CSMD3: variants seen among roughly 807,000 people sequenced by gnomAD.
CSMD3 encodes CUB and Sushi multiple domains 3.
Under a neutral mutation model 435.2 loss-of-function variants are expected in CSMD3, and 177 were observed. The observed-to-expected ratio is 0.41, with a 90% CI of 0.36 to 0.46. The LOEUF (loss-of-function observed/expected upper bound fraction) is 0.46. Ranked by LOEUF, CSMD3 falls within the 20% of genes least tolerant of loss-of-function variation. The pLI is 0.34. For synonymous variants in CSMD3, 1,656 were observed against 1,520.5 expected (o/e 1.09, Z -2.07); for missense variants, 4,265 against 4,504.6 (o/e 0.95, Z 1.52).
At chr8:113,085,340 A>C (rs1420454365) in intron 5 of CSMD3, among the ~76,000 whole-genome samples, 1 of 152,146 alleles carries the variant, frequency 6.6e-6, no homozygotes, top group Admixed American at 6.6e-5. Flanking sequence ...GGGAATGTAA[A>C]TCACTATAGC....
rs762343736 is a variant in CSMD3 at position 112,263,821 on chromosome 8, A to G, written c.9689-9T>C. The G allele has an allele frequency of 1.2e-6, 2 of 1,612,078 alleles. No individual in the cohort carries two copies. The highest frequency in any genetic ancestry group is 1.7e-6 in the Non-Finnish European group (2 of 1,178,240). On this transcript the variant is annotated splice_polypyrimidine_tract_variant and intron_variant, in intron 60 of 70. Coordinates refer to ENST00000297405, the MANE Select transcript of CSMD3 (RefSeq NM_198123.2). ...AGTTGGGCAGGTAACAGCTGCAATT[A>G]CATTAAAAGTGATTAGACACAGCTG...
At chr8:112,892,572 A>G (rs1027563173) in intron 10 of CSMD3, among the ~76,000 whole-genome samples, 1 of 151,550 alleles carries the variant, frequency 6.6e-6, no homozygotes, top group African/African-American at 2.4e-5. Flanking sequence ...TGATTTATAT[A>G]TTATGGGAAA....
intron 13 of CSMD3, among the ~76,000 whole-genome samples, chr8:112,768,697 A>T (rs2132183287): frequency 6.6e-6 from 1 of 152,042 alleles, no homozygotes; most frequent in South Asian, 2.1e-4. Context: ...CTTGCTGAAT[A>T]TCTTTCATAC....
chr8:112,409,025 A>G lies in CSMD3; in HGVS notation c.5403T>C (p.Phe1801=). 1.2e-6 allele frequency: 2 copies of G among 1,613,540 alleles called. No homozygotes were observed. The highest frequency in any genetic ancestry group is 1.7e-6 in the Non-Finnish European group (2 of 1,179,618). The change falls in exon 33 of 71, where the codon TTT becomes TTC. Residue 1801 remains phenylalanine (F), a synonymous_variant. Transcript: ENST00000297405. ...ATGTCTGGAAAAATACAAACTGGCCAAACACCACTGATCAACAGGAACCCG... is the reference window on the plus strand; with the variant it reads ...ATGTCTGGAAAAATACAAACTGGCCGAACACCACTGATCAACAGGAACCCG... ...SIAVPKEFVV[F]GQFVFFQTSL...
chr8:112,850,389 C>G (rs1239870155), intron 11 of CSMD3, among the ~76,000 whole-genome samples: 2 of 152,150 alleles, frequency 1.3e-5, no homozygotes, highest in East Asian at 3.8e-4. Flanking sequence ...AAATTCCACA[C>G]AGCCAAATGC....
chr8:112,489,873 A>T (rs1820517077), intron 31 of CSMD3, among the ~76,000 whole-genome samples: 1 of 152,206 alleles, frequency 6.6e-6, no homozygotes. Context: ...TTTGATTAAA[A>T]GTCTAATGAT....
chr8:113,022,890 T>C (rs751725151), intron 5 of CSMD3, among the ~76,000 whole-genome samples: 1 of 139,952 alleles, frequency 7.1e-6, no homozygotes, highest in African/African-American at 2.8e-5. Flanking sequence ...AAAAAATTTT[T>C]AGTTCTCCAA....
intron 41 of CSMD3, among the ~76,000 whole-genome samples, chr8:112,342,579 A>G (rs1022928340): frequency 2.6e-5 from 4 of 152,108 alleles, no homozygotes; most frequent in Non-Finnish European, 4.4e-5. Flanking sequence ...GAACAAGGAA[A>G]GTGAGTCGCA....
intron 15 of CSMD3, among the ~76,000 whole-genome samples, chr8:112,683,548 T>C (rs187602606): frequency 6.6e-6 from 1 of 152,190 alleles, no homozygotes; most frequent in East Asian, 1.9e-4. Flanking sequence ...AAAATGGGTT[T>C]ATTTGAATTT....
At chr8:112,741,955 A>G (rs1178441684) in intron 13 of CSMD3, among the ~76,000 whole-genome samples, 1 of 151,852 alleles carries the variant, frequency 6.6e-6, no homozygotes, top group Non-Finnish European at 1.5e-5. Context: ...GTCTTCAAGC[A>G]AAGAAAGAGC....
chr8:112,502,413 A>C (rs1367348844), intron 30 of CSMD3, among the ~76,000 whole-genome samples: 1 of 152,190 alleles, frequency 6.6e-6, no homozygotes, highest in Non-Finnish European at 1.5e-5. Context: ...CAAGCTTTCC[A>C]CTGGAATGAA....
In CSMD3 at chr8:113,410,951, A is replaced by AAGAAAGAAAGAAAGAG. The variant is rs1354388081; in HGVS notation, c.178+25725_178+25726insCTCTTTCTTTCTTTCT. ...AAAGAAAGAAAGAAAGAAAGAAAGA[A>AAGAAAGAAAGAAAGAG]AGAGAAGGGAGGGAGGGAGGAAGAA... On this transcript the variant is annotated intron_variant, in intron 1 of 70. Transcript: ENST00000297405. Among the ~76,000 whole-genome samples the AAGAAAGAAAGAAAGAG allele has an allele frequency of 4.3e-4, 62 of 143,456 alleles. No individual in the cohort carries two copies. The East Asian group carries it at 5.4e-3, about 12-fold the overall frequency. 94.1% of individuals were successfully genotyped at this position (143,456 alleles called of 152,430 possible).
intron 24 of CSMD3, among the ~76,000 whole-genome samples, chr8:112,562,962 T>G (rs967481537): frequency 2.6e-5 from 4 of 151,844 alleles, no homozygotes; most frequent in Non-Finnish European, 5.9e-5. Flanking sequence ...AAGTTTTTAC[T>G]ATTGCCACAT....
chr8:112,322,072 T>G (rs1479530170), intron 45 of CSMD3, among the ~76,000 whole-genome samples: 1 of 152,162 alleles, frequency 6.6e-6, no homozygotes, highest in Non-Finnish European at 1.5e-5. Context: ...CTTTGTCTGA[T>G]CTTACCAGAG....
At chr8:113,270,974 A>G (rs2093520050) in intron 3 of CSMD3, among the ~76,000 whole-genome samples, 1 of 107,318 alleles carries the variant, frequency 9.3e-6, no homozygotes, top group Non-Finnish European at 1.7e-5. Flanking sequence ...TTAAAGTATA[A>G]TCAAAAAGCA....
At chr8:112,449,406 TG>T (rs1816005895) in intron 32 of CSMD3, among the ~76,000 whole-genome samples, 1 of 151,982 alleles carries the variant, frequency 6.6e-6, no homozygotes, top group Non-Finnish European at 1.5e-5. Flanking sequence ...CGTTGAGTTG[TG>T]GTGTCTGGGA....
At chr8:112,920,550 C>G (rs2082702917) in intron 10 of CSMD3, among the ~76,000 whole-genome samples, 1 of 151,766 alleles carries the variant, frequency 6.6e-6, no homozygotes, top group Non-Finnish European at 1.5e-5. Context: ...TGAAATCAGA[C>G]TGACCTCAAT....
At chr8:113,434,020 C>G (rs16884683) in intron 1 of CSMD3, among the ~76,000 whole-genome samples, 1,889 of 152,276 alleles carry the variant, frequency 0.012, 46 homozygotes, top group African/African-American at 0.044. Flanking sequence ...AATGAAATGC[C>G]AAGGAAAGGT....
intron 27 of CSMD3, among the ~76,000 whole-genome samples, chr8:112,517,522 C>T (rs1823803822): frequency 1.3e-5 from 2 of 151,922 alleles, no homozygotes; most frequent in East Asian, 1.9e-4. Flanking sequence ...AGGAACATAT[C>T]CGCAGAGGAC....
Sources: allele counts gnomAD v4.1 joint callset (sites outside exome capture counted in the v4.1 genomes callset), GRCh38; gene constraint gnomAD v4.1.1; transcripts MANE v1.5; gene names NCBI Gene and HGNC (gene_info 2026-07-23, HGNC 2026-07-21).